Variants in VSTM4 observed in about 807,000 individuals in gnomAD.
VSTM4 encodes the protein V-set and transmembrane domain-containing protein 4.
Under a neutral mutation model 36.4 loss-of-function variants are expected in VSTM4, and 20 were observed. The ratio of observed to expected loss-of-function variants is 0.55; its 90% CI spans 0.39 to 0.80. The LOEUF is 0.80. Ranked by LOEUF, VSTM4 falls within the 30% of genes least tolerant of loss-of-function variation. The probability of loss-of-function intolerance (pLI) is 0.00; values close to 1 mark genes in which losing one functional copy is unlikely to be tolerated. For synonymous variants in VSTM4, 182 were observed against 173.9 expected, an observed-to-expected ratio of 1.05 and a Z score of -0.37; for missense variants, 392 against 404.5, an observed-to-expected ratio of 0.97 and a Z score of 0.26.
chr10:49,081,949 T>C (rs1844286528), intron 3 of VSTM4, among the ~76,000 whole-genome samples: 1 of 152,220 alleles, frequency 6.6e-6, no homozygotes, highest in Non-Finnish European at 1.5e-5. Flanking sequence ...TCCCTTCTGT[T>C]ACAAGCATTC....
In VSTM4 at chr10:49,018,174, T is replaced by C. The variant is rs1296707749; in HGVS notation, c.*1476A>G. On this transcript the variant is annotated 3_prime_UTR_variant, in exon 8 of 8. Transcript: ENST00000332853. ...GCTAAGTTGGTGGACAAATATTTGG[T>C]TTTTAAAGTTATTGCAATGAAAGCC... is the stretch of plus-strand genomic sequence containing the variant. 1 of 152,224 alleles carries C rather than the reference T, an allele frequency of 6.6e-6. No individual in the cohort carries two copies. The highest frequency in any genetic ancestry group is 1.5e-5 in the Non-Finnish European group (1 of 68,038). 9.4% of individuals were successfully genotyped at this position (152,224 alleles called of 1,614,324 possible).
chr10:49,109,176 A>G (rs1302218074), intron 1 of VSTM4, among the ~76,000 whole-genome samples: 1 of 152,192 alleles, frequency 6.6e-6, no homozygotes, highest in Admixed American at 6.5e-5. Flanking sequence ...CACAGCTTTC[A>G]GTCCCAAAAT....
At chr10:49,074,647 C>A (rs1844142284) in intron 4 of VSTM4, among the ~76,000 whole-genome samples, 1 of 152,176 alleles carries the variant, frequency 6.6e-6, no homozygotes, top group African/African-American at 2.4e-5. Flanking sequence ...GTGCATGGGG[C>A]AAGACCTGCC....
At chr10:49,052,401 GAT>G (rs1843711577) in intron 5 of VSTM4, among the ~76,000 whole-genome samples, 1 of 150,196 alleles carries the variant, frequency 6.7e-6, no homozygotes, top group Non-Finnish European at 1.5e-5. Context: ...TCTCATTTAT[GAT>G]GGAAGGATAG....
Position 49,018,972 on chromosome 10 carries a change from G to T in VSTM4, c.*678C>A, listed in dbSNP as rs868599546. On this transcript the variant is annotated 3_prime_UTR_variant, in exon 8 of 8. Coordinates refer to ENST00000332853, the MANE Select transcript of VSTM4 (RefSeq NM_001031746.5). ...CAGTACAGGTCCACCTTGTGAAAGG[G>T]CTGGAAGCCCTCTAGAATGGTGTTC... is the stretch of plus-strand genomic sequence containing the variant. 6.6e-6 allele frequency: 1 copy of T among 152,308 alleles called. No homozygotes were observed. Among genetic ancestry groups the T allele is most frequent in the Admixed American group, 6.5e-5 (1 of 15,296 alleles). 9.4% of individuals were successfully genotyped at this position (152,308 alleles called of 1,614,324 possible). A position where few individuals can be genotyped will look rare whatever the true frequency, so the allele number is the denominator to read the frequency against.
rs767442840 is a variant in VSTM4 at position 49,107,574 on chromosome 10, A to G, written c.457+20T>C. Reference sequence around the variant, plus strand: ...GCCTGCCCCACCACCACCTCTACCCAGGGAGACCAAGACCCTCACCTCTCA... The same window carrying G: ...GCCTGCCCCACCACCACCTCTACCCGGGGAGACCAAGACCCTCACCTCTCA... On this transcript the variant is annotated intron_variant, in intron 2 of 7. Coordinates refer to ENST00000332853, the MANE Select transcript of VSTM4 (RefSeq NM_001031746.5). 13 of 1,586,552 alleles carry G rather than the reference A, an allele frequency of 8.2e-6. No homozygotes were observed. The Middle Eastern group carries it at 8.4e-4, about 103-fold the overall frequency.
At chr10:49,032,584 A>G (rs1479612167) in intron 7 of VSTM4, among the ~76,000 whole-genome samples, 1 of 152,174 alleles carries the variant, frequency 6.6e-6, no homozygotes, top group African/African-American at 2.4e-5. Flanking sequence ...TCAGGCAGCC[A>G]TTTTTGAATG....
chr10:49,079,197 T>C (rs1298270882), intron 3 of VSTM4, among the ~76,000 whole-genome samples: 1 of 151,954 alleles, frequency 6.6e-6, no homozygotes, highest in Non-Finnish European at 1.5e-5. Flanking sequence ...AGTTAAACCA[T>C]GTTCATGTAC....
intron 5 of VSTM4, among the ~76,000 whole-genome samples, chr10:49,054,592 C>T (rs1258296259): frequency 1.3e-5 from 2 of 152,178 alleles, no homozygotes; most frequent in Non-Finnish European, 1.5e-5. Flanking sequence ...AATTTTGTGC[C>T]TCTAGCACTA....
intron 7 of VSTM4, among the ~76,000 whole-genome samples, chr10:49,032,119 C>T (rs919330705): frequency 1.3e-5 from 2 of 152,128 alleles, no homozygotes; most frequent in Non-Finnish European, 2.9e-5. Flanking sequence ...AAGGTATCAT[C>T]AATTTGGTAG....
chr10:49,035,492 T>C (rs1205881427), intron 7 of VSTM4, among the ~76,000 whole-genome samples: 2 of 151,934 alleles, frequency 1.3e-5, no homozygotes, highest in African/African-American at 4.8e-5. Flanking sequence ...TCCCTTTGTC[T>C]CCCAAAAGGG....
chr10:49,040,885 G>A (rs1173966195), intron 7 of VSTM4, among the ~76,000 whole-genome samples: 1 of 152,188 alleles, frequency 6.6e-6, no homozygotes, highest in African/African-American at 2.4e-5. Flanking sequence ...TCTAGACAGA[G>A]GGGCTGGGGA....
At chr10:49,113,697 C>T (rs1564601782) in intron 1 of VSTM4, among the ~76,000 whole-genome samples, 1 of 152,270 alleles carries the variant, frequency 6.6e-6, no homozygotes, top group African/African-American at 2.4e-5. Context: ...CCACTAGGGT[C>T]CTGGTCAGTC....
intron 2 of VSTM4, among the ~76,000 whole-genome samples, chr10:49,091,771 G>A (rs991130038): frequency 2.0e-5 from 3 of 152,160 alleles, no homozygotes; most frequent in East Asian, 1.9e-4. Flanking sequence ...CAAAAATTCC[G>A]AGAGGTCCTG....
At chr10:49,092,002 G>A (rs1844483759) in intron 2 of VSTM4, among the ~76,000 whole-genome samples, 1 of 152,198 alleles carries the variant, frequency 6.6e-6, no homozygotes, top group African/African-American at 2.4e-5. Context: ...GAGGGAGCAG[G>A]AGCCAGGATG....
At chr10:49,080,772 G>A (rs745696681) in intron 3 of VSTM4, among the ~76,000 whole-genome samples, 9 of 152,234 alleles carry the variant, frequency 5.9e-5, no homozygotes, top group Non-Finnish European at 1.3e-4. Flanking sequence ...CTCCTAGGAA[G>A]CTACTGGGAA....
chr10:49,111,600 C>A (rs1485229988), intron 1 of VSTM4, among the ~76,000 whole-genome samples: 1 of 152,206 alleles, frequency 6.6e-6, no homozygotes, highest in African/African-American at 2.4e-5. Flanking sequence ...AAATTAATTT[C>A]TTGTTTTGTG....
intron 2 of VSTM4, among the ~76,000 whole-genome samples, chr10:49,105,346 G>T (rs1844760827): frequency 6.7e-6 from 1 of 150,180 alleles, no homozygotes; most frequent in South Asian, 2.1e-4. Flanking sequence ...GGGAGAGACA[G>T]AGAGAGATAT....
intron 7 of VSTM4, among the ~76,000 whole-genome samples, chr10:49,027,540 A>G (rs1345867971): frequency 6.6e-6 from 1 of 152,160 alleles, no homozygotes. Context: ...GTCTGTAACC[A>G]CTGCCACAGT....
Sources: gnomAD v4.1 joint callset for allele counts (sites outside exome capture counted in the v4.1 genomes callset) on GRCh38, gnomAD v4.1.1 for gene constraint, MANE v1.5 for transcripts, NCBI Gene and HGNC (gene_info 2026-07-23, HGNC 2026-07-21) for gene names.